Variants in PRR12 observed in about 807,000 individuals in gnomAD.
PRR12 encodes proline rich 12.
A neutral mutation model predicts 138.0 loss-of-function variants in PRR12; 12 were observed. The observed-to-expected ratio is 0.09, with a 90% confidence interval of 0.06 to 0.14. PRR12 has a LOEUF of 0.14. PRR12 is among the 10% of genes least tolerant of loss of function. The pLI, the probability that PRR12 is intolerant of heterozygous loss-of-function variation, is 1.00. For missense variants in PRR12, 2,692 were observed against 2,861.3 expected (o/e 0.94, Z 1.35); for synonymous variants, 1,567 against 1,291.7 (o/e 1.21, Z -4.57).
At position 49,596,364 on chromosome 19, in the gene PRR12, A is replaced by G. The variant is rs1183209878; in HGVS notation, c.2029A>G (p.Ser677Gly). 1.3e-6 allele frequency: 2 copies of G among 1,595,098 alleles called. No individual in the cohort carries two copies. Among genetic ancestry groups the G allele is most frequent in the East Asian group, 2.3e-5 (1 of 44,266 alleles). ...AGATGCCTCTAAGGGACTTGGGGGGAGTGGCGGGGCCGGGGGACCACCGGG... is the reference window on the plus strand; with the variant it reads ...AGATGCCTCTAAGGGACTTGGGGGGGGTGGCGGGGCCGGGGGACCACCGGG... ...AADASKGLGG[S>G]GGAGGPPGTP... The change falls in exon 4 of 14, where the codon AGT becomes GGT. Residue 677 changes from serine (S) to glycine (G), a missense_variant. Ser to Gly is a moderately conservative substitution (Grantham distance 56, BLOSUM62 0). This residue lies in a region of PRR12 where 840 missense variants were observed against 689.8 expected (regional missense o/e 1.22). Coordinates refer to ENST00000418929, the MANE Select transcript of PRR12 (RefSeq NM_020719.3). This position sits in a 1 kb window ranked among gnomAD's most constrained non-coding sequence, Gnocchi z 5.6.
rs1836005315 is a variant in PRR12 at position 49,599,379 on chromosome 19, G to C, written c.3786G>C (p.Lys1262Asn). ...NSLDSSLTRE[K>N]IEAKIKEVEE... ...TGGACTCGAGCCTGACTCGGGAGAA[G>C]ATCGAGGCCAAGATTAAGGAGGTGG... Residue 1262 changes from lysine (K) to asparagine (N), a missense_variant, in exon 5 of 14, where the codon AAG becomes AAC. Lys to Asn is a moderately conservative substitution (Grantham distance 94). Transcript: ENST00000418929. This position sits in a 1 kb window ranked among gnomAD's most constrained non-coding sequence, Gnocchi z 5.0. 1.1e-5 allele frequency: 18 copies of C among 1,612,782 alleles called. No individual in the cohort carries two copies. Among genetic ancestry groups the C allele is most frequent in the Non-Finnish European group, 1.5e-5 (18 of 1,179,610 alleles).
rs1007858113 is a variant in PRR12 at position 49,626,361 on chromosome 19, T to C, written c.*754T>C. 2.0e-5 allele frequency: 3 copies of C among 152,128 alleles called. No homozygotes were observed. Among genetic ancestry groups the C allele is most frequent in the Admixed American group, 1.3e-4 (2 of 15,260 alleles). 9.4% of individuals were successfully genotyped at this position (152,128 alleles called of 1,614,324 possible). ...ACTACCCTTTGTCTCTTGCTCTTTC[T>C]TGGGCTTCTGTACAACTCAACTTGT... On this transcript the variant is annotated 3_prime_UTR_variant, in exon 14 of 14. Transcript: ENST00000418929.
intron 11 of PRR12, among the ~76,000 whole-genome samples, chr19:49,622,958 A>AGAG (rs1568432817): frequency 1.6e-4 from 15 of 94,474 alleles, no homozygotes; most frequent in African/African-American, 6.7e-4. Context: ...GAGAGAGAGA[A>AGAG]AGAGAGAGAG....
Position 49,601,818 on chromosome 19 carries a change from G to A in PRR12, c.4673G>A (p.Cys1558Tyr), listed in dbSNP as rs748252615. ...LAKKQETAAV[C>Y]GETDEEAGES... The stretch of plus-strand genomic sequence containing the variant: ...AAAAAGCAGGAGACGGCGGCAGTGT[G>A]TGGGGAGACGGACGAGGAGGCCGGC... Residue 1558 changes from cysteine to tyrosine, a missense_variant, in exon 6 of 14, where the codon TGT becomes TAT. By Grantham distance (194) the Cys-to-Tyr change is radical. This residue lies in a region of PRR12 where 92 missense variants were observed against 174.1 expected (regional missense o/e 0.53). Transcript: ENST00000418929. The A allele has an allele frequency of 2.0e-5, 32 of 1,612,520 alleles. No individual in the cohort carries two copies. Among genetic ancestry groups the A allele is most frequent in the Non-Finnish European group, 2.7e-5 (32 of 1,179,872 alleles).
At position 49,615,587 on chromosome 19, in the gene PRR12, G is replaced by A. The variant is rs28451447; in HGVS notation, c.5025-160G>A. On this transcript the variant is annotated intron_variant, in intron 8 of 13. Coordinates refer to ENST00000418929, the MANE Select transcript of PRR12 (RefSeq NM_020719.3). Reference sequence around the variant, plus strand: ...GGGGGTCAGAGTCCCAGAGAGGGAGGGGGTCAGAGTCCCAGAGAGGGAGGG... The same window carrying A: ...GGGGGTCAGAGTCCCAGAGAGGGAGAGGGTCAGAGTCCCAGAGAGGGAGGG... Among the ~76,000 whole-genome samples, 26 of 138,596 alleles carry A rather than the reference G, an allele frequency of 1.9e-4. 2 individuals are homozygous for A. Among genetic ancestry groups the A allele is most frequent in the African/African-American group, 7.2e-4 (25 of 34,526 alleles). The allele number at this position is 138,596 out of a possible 152,430, so 90.9% of individuals were successfully genotyped here.
rs888331179 is a variant in PRR12, at chr19:49,596,557, G to A, written c.2222G>A (p.Gly741Glu). 1.9e-6 allele frequency: 3 copies of A among 1,605,274 alleles called. No individual in the cohort carries two copies. Among genetic ancestry groups the A allele is most frequent in the Non-Finnish European group, 2.5e-6 (3 of 1,176,594 alleles). ...GAGCGGGGTGGCGAGACCCCCGAGG[G>A]GCTGGCCACCTCTGTTGTCCACTAC... is the stretch of plus-strand genomic sequence containing the variant. ...GPERGGETPE[G>E]LATSVVHYGA... The change falls in exon 4 of 14, where the codon GGG becomes GAG. Residue 741 changes from glycine (G) to glutamate (E), a missense_variant. By Grantham distance (98) the Gly-to-Glu change is moderately conservative. Transcript: ENST00000418929. The surrounding 1 kb of genome is among the most constrained non-coding windows in gnomAD (Gnocchi z 5.6).
chr19:49,595,830 C>T lies in PRR12; in HGVS notation c.1495C>T (p.Pro499Ser), dbSNP rs930736675. ...PGLATCQSYSPDQLQGQLYGV... is the reference protein window; with the variant it reads ...PGLATCQSYSSDQLQGQLYGV... Reference sequence around the variant, plus strand: ...CCTGGCCACATGTCAGAGCTACTCCCCGGACCAGCTGCAGGGGCAGCTGTA... The same window carrying T: ...CCTGGCCACATGTCAGAGCTACTCCTCGGACCAGCTGCAGGGGCAGCTGTA... The change falls in exon 4 of 14, where the codon CCG becomes TCG. Residue 499 changes from proline (P) to serine (S), a missense_variant. Pro to Ser is a moderately conservative substitution (Grantham distance 74). Transcript: ENST00000418929. 2 of 1,599,902 alleles carry T rather than the reference C, an allele frequency of 1.3e-6. No homozygotes were observed. The highest frequency in any genetic ancestry group is 2.7e-5 in the African/African-American group (2 of 74,746).
intron 6 of PRR12, among the ~76,000 whole-genome samples, chr19:49,606,661 T>C (rs2080840002): frequency 6.7e-6 from 1 of 149,516 alleles, no homozygotes; most frequent in African/African-American, 2.5e-5. Flanking sequence ...TTTTTTTTTT[T>C]TTTGAGATGG....
intron 6 of PRR12, among the ~76,000 whole-genome samples, chr19:49,607,654 G>A (rs2080845468): frequency 6.6e-6 from 1 of 151,514 alleles, no homozygotes; most frequent in African/African-American, 2.4e-5. Flanking sequence ...GTTGCAGTGA[G>A]CCGAGATCGT....
At chr19:49,615,071 G>A in intron 8 of PRR12, 62 bp downstream of exon 8, 1 of 1,599,278 alleles carries the variant, frequency 6.3e-7, no homozygotes, top group Non-Finnish European at 8.5e-7. Flanking sequence ...TGGGGATGCG[G>A]CATGCAAGAG....
intron 9 of PRR12, among the ~76,000 whole-genome samples, chr19:49,619,633 C>T (rs1218714332): frequency 6.7e-6 from 1 of 148,774 alleles, no homozygotes; most frequent in Non-Finnish European, 1.5e-5. Flanking sequence ...CCTCCGCCTC[C>T]CAGGTTCAAG....
intron 6 of PRR12, among the ~76,000 whole-genome samples, chr19:49,609,942 C>A (rs559136710): frequency 1.3e-5 from 2 of 152,130 alleles, no homozygotes; most frequent in Non-Finnish European, 2.9e-5. Flanking sequence ...GGGACGGACT[C>A]CCCTGTCAAT....
In PRR12 at chr19:49,591,608, C is replaced by CCA; in HGVS notation, c.-47_-46insCA. ...AGGAGAGCGCGCGCGCGCCCCCTCC[C>CCA]TCCCTCCCTCCCTCCCCCTCCCCCC... On this transcript the variant is annotated 5_prime_UTR_variant, in exon 1 of 14. Coordinates refer to ENST00000418929, the MANE Select transcript of PRR12 (RefSeq NM_020719.3). 4.6e-6 allele frequency: 2 copies of CCA among 437,284 alleles called. No homozygotes were observed. The highest frequency in any genetic ancestry group is 8.5e-6 in the Non-Finnish European group (2 of 235,198). 27.1% of individuals were successfully genotyped at this position (437,284 alleles called of 1,614,324 possible).
chr19:49,594,639 G>A lies in PRR12; in HGVS notation c.361+24G>A. On this transcript the variant is annotated intron_variant, in intron 3 of 13. Transcript: ENST00000418929. The surrounding 1 kb of genome is among the most constrained non-coding windows in gnomAD (Gnocchi z 5.6). ...AGGTAAGCCCAGCGCCGGCCCTGCAGGGCCAGGGTGGGACTGGCTCGCTGT... is the reference window on the plus strand; with the variant it reads ...AGGTAAGCCCAGCGCCGGCCCTGCAAGGCCAGGGTGGGACTGGCTCGCTGT... The A allele has an allele frequency of 6.2e-7, 1 of 1,611,152 alleles. No homozygotes were observed. The highest frequency in any genetic ancestry group is 1.1e-5 in the South Asian group (1 of 91,012).
At chr19:49,622,458 G>C (rs1192531479) in intron 11 of PRR12, among the ~76,000 whole-genome samples, 4 of 151,928 alleles carry the variant, frequency 2.6e-5, no homozygotes, top group Admixed American at 2.0e-4. Context: ...TGGGCGTGGT[G>C]GTGGGCACCT....
chr19:49,621,641 A>C lies in PRR12; in HGVS notation c.5721+19A>C. On this transcript the variant is annotated intron_variant, in intron 11 of 13. Transcript: ENST00000418929. Reference sequence around the variant, plus strand: ...CCTGCAGGTGCCTGGGGGTCTGGGCAGGGGGTGTCTGGGGCCCAGGGTCCA... The same window carrying C: ...CCTGCAGGTGCCTGGGGGTCTGGGCCGGGGGTGTCTGGGGCCCAGGGTCCA... 4 of 1,563,116 alleles carry C rather than the reference A, an allele frequency of 2.6e-6. No individual in the cohort carries two copies. The highest frequency in any genetic ancestry group is 3.5e-6 in the Non-Finnish European group (4 of 1,153,296).
At chr19:49,618,821 T>C (rs11880923) in intron 9 of PRR12, among the ~76,000 whole-genome samples, 64,800 of 151,446 alleles carry the variant, frequency 0.43, 15,720 homozygotes, top group African/African-American at 0.67. Context: ...TGCCCCACCT[T>C]CATTCGTTCC....
intron 4 of PRR12, 62 bp downstream of exon 4, chr19:49,598,075 C>CTTT: frequency 5.3e-6 from 6 of 1,140,756 alleles, no homozygotes; most frequent in Non-Finnish European, 5.5e-6. Context: ...ATGTTTGAGT[C>CTTT]TTTTTTTTTT....
Position 49,601,697 on chromosome 19 carries a change from C to G in PRR12, c.4552C>G (p.Pro1518Ala). Reference protein sequence around the residue: ...AMPSPPPPPPPAAAPLAAPPE... With the variant: ...AMPSPPPPPPAAAAPLAAPPE... ...GCCCTCGCCTCCACCACCACCCCCACCAGCCGCTGCCCCACTGGCTGCTCC... is the reference window on the plus strand; with the variant it reads ...GCCCTCGCCTCCACCACCACCCCCAGCAGCCGCTGCCCCACTGGCTGCTCC... Residue 1518 changes from proline (P) to alanine (A), a missense_variant, in exon 6 of 14, where the codon CCA (proline) becomes GCA (alanine). By Grantham distance (27) the Pro-to-Ala change is conservative. Transcript: ENST00000418929. 1 of 1,540,080 alleles carries G rather than the reference C, an allele frequency of 6.5e-7. No homozygotes were observed.
Sources: allele counts gnomAD v4.1 joint callset (sites outside exome capture counted in the v4.1 genomes callset), GRCh38; gene constraint gnomAD v4.1.1; regional missense constraint gnomAD v4.1.1; non-coding constraint Gnocchi (gnomAD v3.1); transcripts MANE v1.5; gene names NCBI Gene and HGNC (gene_info 2026-07-23, HGNC 2026-07-21).